The following MMP26 variants were observed in gnomAD, a reference collection of about 807,000 sequenced individuals.
MMP26 encodes matrix metalloproteinase-26.
Under a neutral mutation model 31.0 loss-of-function variants are expected in MMP26, and 33 were observed. The ratio of observed to expected loss-of-function variants is 1.06; its 90% CI spans 0.81 to 1.42. The LOEUF (loss-of-function observed/expected upper bound fraction) is 1.42. MMP26 is among the 40% of genes most tolerant of loss of function. MMP26 has a pLI of 0.00. For missense variants in MMP26, 347 were observed against 316.1 expected (o/e 1.10, Z -0.74); for synonymous variants, 122 against 114.9 (o/e 1.06, Z -0.40).
At position 4,992,258 on chromosome 11, in the gene MMP26, C is replaced by T. The variant is rs1564821421; in HGVS notation, c.*16C>T. 1 of 1,606,402 alleles carries T rather than the reference C, an allele frequency of 6.2e-7. No homozygotes were observed. Among genetic ancestry groups the T allele is most frequent in the Non-Finnish European group, 8.5e-7 (1 of 1,176,022 alleles). On this transcript the variant is annotated 3_prime_UTR_variant, in exon 8 of 8. Transcript: ENST00000380390. Reference sequence around the variant, plus strand: ...CATACCTTAATGTTAGCACAGAGGACTTATTCAACCTGTCCTTTCAGGGAG... The same window carrying T: ...CATACCTTAATGTTAGCACAGAGGATTTATTCAACCTGTCCTTTCAGGGAG...
chr11:4,959,571 C>T (rs554706928), intron 2 of MMP26, among the ~76,000 whole-genome samples: 94 of 152,248 alleles, frequency 6.2e-4, no homozygotes, highest in African/African-American at 2.2e-3. Flanking sequence ...GGTCTATTTT[C>T]CCCTGAACAC....
chr11:4,712,989 G>A (rs1847881022), intron 1 of MMP26, among the ~76,000 whole-genome samples: 1 of 152,032 alleles, frequency 6.6e-6, no homozygotes, highest in Non-Finnish European at 1.5e-5. Flanking sequence ...TGGTTAATCT[G>A]AAGTAGACTT....
Position 4,744,642 on chromosome 11 carries a change from A to G in MMP26, c.-216-22628A>G, listed in dbSNP as rs1293890243. 3.3e-5 allele frequency among the ~76,000 whole-genome samples: 5 copies of G among 152,178 alleles called. No individual in the cohort carries two copies. The South Asian group carries it at 1.0e-3, about 32-fold the overall frequency. On this transcript the variant is annotated intron_variant, in intron 1 of 7. Transcript: ENST00000380390. ...CCACAAAAAAACTTATTCTTAAGGG[A>G]TCTTTCTGATAAATTGTATTTGCTT... is the stretch of plus-strand genomic sequence containing the variant.
chr11:4,860,788 C>G (rs1850142970), intron 2 of MMP26, among the ~76,000 whole-genome samples: 1 of 151,990 alleles, frequency 6.6e-6, no homozygotes, highest in Non-Finnish European at 1.5e-5. Flanking sequence ...GAATAAATTT[C>G]TTTATTTGAA....
chr11:4,866,669 C>T (rs1850239072), intron 2 of MMP26, among the ~76,000 whole-genome samples: 1 of 152,164 alleles, frequency 6.6e-6, no homozygotes, highest in African/African-American at 2.4e-5. Flanking sequence ...CATTACGCCA[C>T]CTGACTTCAA....
chr11:4,712,804 GT>G (rs140292103), intron 1 of MMP26, among the ~76,000 whole-genome samples: 29 of 150,400 alleles, frequency 1.9e-4, no homozygotes, highest in Non-Finnish European at 3.3e-4. Flanking sequence ...TTATTTCTAA[GT>G]TTTTTTTTCT....
chr11:4,992,105 A>G lies in MMP26; in HGVS notation c.737A>G (p.Gln246Arg). ...RTFQLSADDI[Q>R]RIQHLYGEKC... ...TTCCAGCTCAGTGCCGATGATATCCAAAGGATCCAGCATTTGTATGGTCTG... is the reference window on the plus strand; with the variant it reads ...TTCCAGCTCAGTGCCGATGATATCCGAAGGATCCAGCATTTGTATGGTCTG... The change falls in exon 7 of 8, where the codon CAA (glutamine) becomes CGA (arginine). Residue 246 changes from glutamine to arginine, a missense_variant. Coordinates refer to ENST00000380390, the MANE Select transcript of MMP26 (RefSeq NM_021801.5). 1 of 1,613,494 alleles carries G rather than the reference A, an allele frequency of 6.2e-7. No individual in the cohort carries two copies. The highest frequency in any genetic ancestry group is 1.1e-5 in the South Asian group (1 of 90,918).
intron 2 of MMP26, among the ~76,000 whole-genome samples, chr11:4,796,041 T>C (rs1221722895): frequency 6.6e-6 from 1 of 152,162 alleles, no homozygotes; most frequent in African/African-American, 2.4e-5. Flanking sequence ...ACAGGACAAG[T>C]CGCCACTCTG....
chr11:4,814,376 G>C (rs10836708), intron 2 of MMP26, among the ~76,000 whole-genome samples: 41,019 of 151,872 alleles, frequency 0.27, 6,346 homozygotes, highest in East Asian at 0.6. Flanking sequence ...AACAAAATTG[G>C]CCTCACTTAA....
chr11:4,726,460 TAA>T (rs199521563), intron 1 of MMP26, among the ~76,000 whole-genome samples: 1 of 145,012 alleles, frequency 6.9e-6, no homozygotes. Context: ...GCAACTTCAT[TAA>T]AAAAAAAAAA....
intron 2 of MMP26, chr11:4,942,699 T>G (rs1439515360): frequency 1.3e-5 from 2 of 152,204 alleles, no homozygotes; most frequent in Non-Finnish European, 2.9e-5. Flanking sequence ...AGAATGTTAA[T>G]GATCTCACAA....
At chr11:4,769,870 C>A (rs1203752954) in intron 2 of MMP26, 2 of 1,613,294 alleles carry the variant, frequency 1.2e-6, no homozygotes, top group South Asian at 1.1e-5. Flanking sequence ...GAATGCCGGT[C>A]AACAAGAAGG....
chr11:4,720,461 A>C lies in MMP26; in HGVS notation c.-217+15416A>C, dbSNP rs529559348. The stretch of plus-strand genomic sequence containing the variant: ...TGAAGTGGATATGCTATTCGGGTCT[A>C]GATTGAAAAATAGAAATCACACCAG... On this transcript the variant is annotated intron_variant, in intron 1 of 7. Coordinates refer to ENST00000380390, the MANE Select transcript of MMP26 (RefSeq NM_021801.5). Among the ~76,000 whole-genome samples, 17 of 152,334 alleles carry C rather than the reference A, an allele frequency of 1.1e-4. No individual in the cohort carries two copies. The South Asian group carries it at 3.5e-3, about 32-fold the overall frequency.
At position 4,970,531 on chromosome 11, in the gene MMP26, G is replaced by A. The variant is rs139668853; in HGVS notation, c.-144-17537G>A. 8.4e-3 allele frequency among the ~76,000 whole-genome samples: 1,274 copies of A among 152,310 alleles called. 40 individuals carry two copies. Among genetic ancestry groups the A allele is most frequent in the East Asian group, 0.034 (177 of 5,184 alleles). The stretch of plus-strand genomic sequence containing the variant: ...TGATGTGTACAGGGAGTTCAAGTGA[G>A]TATAGAGAGGTGAGCCACTTAAGCT... On this transcript the variant is annotated intron_variant, in intron 2 of 7. Transcript: ENST00000380390.
rs375132969 is a variant in MMP26, at chr11:4,990,665, A to T, written c.388A>T (p.Ile130Phe). The change falls in exon 5 of 8, where the codon ATC becomes TTC. Residue 130 changes from isoleucine to phenylalanine, a missense_variant. Ile to Phe is a conservative substitution (Grantham distance 21). Coordinates refer to ENST00000380390, the MANE Select transcript of MMP26 (RefSeq NM_021801.5). ...VKDSIYNAVS[I>F]WSNVTPLIFQ... ...AGACAGTATATATAATGCAGTTTCC[A>T]TCTGGAGCAATGTGACCCCTTTGAT... 6.2e-6 allele frequency: 10 copies of T among 1,614,152 alleles called. No homozygotes were observed. The highest frequency in any genetic ancestry group is 1.1e-5 in the South Asian group (1 of 91,082).
At chr11:4,945,916 C>T (rs10837000) in intron 2 of MMP26, 30,600 of 496,968 alleles carry the variant, frequency 0.062, 1,505 homozygotes, top group East Asian at 0.18. Flanking sequence ...TAATTTGTTG[C>T]TTGTATCGGA....
intron 2 of MMP26, chr11:4,875,174 A>T (rs1431952114): frequency 6.6e-6 from 1 of 152,140 alleles, no homozygotes; most frequent in South Asian, 2.1e-4. Flanking sequence ...TGAAGAGAAA[A>T]GTAAATCTCA....
chr11:4,915,022 T>C, intron 2 of MMP26: 1 of 1,614,016 alleles, frequency 6.2e-7, no homozygotes, highest in Non-Finnish European at 8.5e-7. Flanking sequence ...GCAGTGAGTC[T>C]ATACCCACTG....
chr11:4,965,303 T>C (rs1466589311), intron 2 of MMP26, among the ~76,000 whole-genome samples: 1 of 152,182 alleles, frequency 6.6e-6, no homozygotes, highest in Non-Finnish European at 1.5e-5. Flanking sequence ...TTGGGATATT[T>C]TGTGGACTTT....
Sources: gnomAD v4.1 joint callset for allele counts (sites outside exome capture counted in the v4.1 genomes callset) on GRCh38, gnomAD v4.1.1 for gene constraint, MANE v1.5 for transcripts, NCBI Gene and HGNC (gene_info 2026-07-23, HGNC 2026-07-21) for gene names.